CCDC30: variants seen among roughly 807,000 people sequenced by gnomAD.
CCDC30 encodes coiled-coil domain containing 30, also known as coiled-coil domain-containing protein 30.
CCDC30 carries 70 observed loss-of-function variants against 100.2 expected under a neutral mutation model. The observed-to-expected ratio is 0.70, with a 90% CI of 0.58 to 0.85. CCDC30 has a LOEUF of 0.85. CCDC30 is among the 40% of genes least tolerant of loss of function. CCDC30 has a pLI of 0.00. For synonymous variants in CCDC30, 233 were observed against 269.5 expected (o/e 0.86, Z 1.33); for missense variants, 652 against 771.2 (o/e 0.85, Z 1.83).
chr1:42,483,518 C>G (rs1177579613), intron 3 of CCDC30, among the ~76,000 whole-genome samples: 4 of 152,142 alleles, frequency 2.6e-5, no homozygotes, highest in Non-Finnish European at 5.9e-5. Context: ...GTTTTCAATA[C>G]TTGGTACTGT....
intron 6 of CCDC30, 129 bp from the exon 10 acceptor site, chr1:42,556,027 G>T (rs4598532): frequency 0.21 from 180,729 of 869,734 alleles, 21,542 homozygotes; most frequent in South Asian, 0.42. Flanking sequence ...AGAATAAGAT[G>T]ACTGTTGTGC....
chr1:42,641,969 T>A (rs1386978545), intron 12 of CCDC30, among the ~76,000 whole-genome samples: 1 of 152,158 alleles, frequency 6.6e-6, no homozygotes, highest in African/African-American at 2.4e-5. Flanking sequence ...CTCACGCCTG[T>A]AATCCCAGCA....
intron 6 of CCDC30, chr1:42,545,428 GA>G: frequency 6.3e-7 from 1 of 1,575,014 alleles, no homozygotes; most frequent in Non-Finnish European, 8.6e-7. Context: ...GCTTTCACAA[GA>G]ATTTGCACAA....
chr1:42,613,736 CG>C (rs1189423298), intron 11 of CCDC30, among the ~76,000 whole-genome samples: 6 of 152,254 alleles, frequency 3.9e-5, no homozygotes, highest in Non-Finnish European at 8.8e-5. Context: ...GGAGTGAGGA[CG>C]ACCAGAGGTC....
At chr1:42,456,853 C>T in the CCDC30 span, 151 of 1,613,536 alleles carry the variant, frequency 9.4e-5, no homozygotes, top group African/African-American at 1.8e-3. Flanking sequence ...CCCACCGCTT[C>T]CCACCCCAGA....
intron 15 of CCDC30, among the ~76,000 whole-genome samples, chr1:42,652,221 A>G (rs1317045313): frequency 6.6e-6 from 1 of 152,188 alleles, no homozygotes; most frequent in Non-Finnish European, 1.5e-5. Context: ...TGGCACAGAA[A>G]AACAAATACC....
chr1:42,591,428 A>G (rs1046118954), intron 10 of CCDC30: 1 of 152,510 alleles, frequency 6.6e-6, no homozygotes, highest in African/African-American at 2.4e-5. Flanking sequence ...CCCCAGATAC[A>G]GCTCAGGCTG....
At chr1:42,531,506 A>G (rs753081420) in intron 6 of CCDC30, among the ~76,000 whole-genome samples, 2 of 152,148 alleles carry the variant, frequency 1.3e-5, no homozygotes, top group African/African-American at 4.8e-5. Flanking sequence ...CACACCTGTA[A>G]TCCTAGCATT....
chr1:42,485,937 G>A (rs538318949), intron 3 of CCDC30, among the ~76,000 whole-genome samples: 7 of 152,204 alleles, frequency 4.6e-5, no homozygotes, highest in Non-Finnish European at 1.0e-4. Context: ...CACAATGAGC[G>A]TCTACTTCAT....
chr1:42,464,942 G>A (rs1290651543), intron 1 of CCDC30, among the ~76,000 whole-genome samples: 1 of 152,016 alleles, frequency 6.6e-6, no homozygotes, highest in Admixed American at 6.6e-5. Flanking sequence ...AGAATAGATC[G>A]GAAAACAAAA....
chr1:42,618,195 C>CTA (rs1646761116), intron 11 of CCDC30, among the ~76,000 whole-genome samples: 1 of 149,608 alleles, frequency 6.7e-6, no homozygotes, highest in African/African-American at 2.5e-5. Flanking sequence ...ATCTCTGAAG[C>CTA]TATAGACTGG....
At chr1:42,540,157 A>G (rs1644983871) in intron 6 of CCDC30, among the ~76,000 whole-genome samples, 1 of 152,204 alleles carries the variant, frequency 6.6e-6, no homozygotes, top group East Asian at 1.9e-4. Context: ...CACCATATGT[A>G]AGGTGAGTAA....
chr1:42,473,163 A>C lies in CCDC30; in HGVS notation c.-91-7298A>C, dbSNP rs1350753652. On this transcript the variant is annotated intron_variant, in intron 1 of 16. Transcript: ENST00000668663. ...AAGACATACTTCACCATCTTGAAAA[A>C]GAAGAAATCAATCCCCTTGCTACTA... 6.5e-6 allele frequency: 8 copies of C among 1,230,586 alleles called. No homozygotes were observed. The African/African-American group carries it at 1.2e-4, about 19-fold the overall frequency. The allele number at this position is 1,230,586 out of a possible 1,614,324, so 76.2% of individuals were successfully genotyped here. A position where few individuals can be genotyped will look rare whatever the true frequency, so the allele number is the denominator to read the frequency against.
chr1:42,541,809 T>C (rs1270556266), intron 6 of CCDC30, among the ~76,000 whole-genome samples: 3 of 152,246 alleles, frequency 2.0e-5, no homozygotes, highest in African/African-American at 7.2e-5. Flanking sequence ...ATAGTCTTGC[T>C]AAAGAAGCTG....
chr1:42,547,169 G>T (rs1308384745), intron 6 of CCDC30, among the ~76,000 whole-genome samples: 3 of 152,258 alleles, frequency 2.0e-5, no homozygotes, highest in Middle Eastern at 3.4e-3. Flanking sequence ...TGGGGAAGGG[G>T]TATGATAATG....
intron 6 of CCDC30, 184 bp downstream of exon 7, chr1:42,536,785 A>C (rs1217825691): frequency 3.8e-6 from 2 of 527,004 alleles, no homozygotes; most frequent in South Asian, 5.3e-5. Context: ...GGGGAAGTCC[A>C]AGATCAAGGT....
chr1:42,571,460 T>C (rs1202050689), intron 7 of CCDC30: 2 of 150,254 alleles, frequency 1.3e-5, no homozygotes, highest in Admixed American at 1.3e-4. Flanking sequence ...TCAAAAGTTA[T>C]ACCAACCCTC....
At chr1:42,509,421 C>T (rs113290646) in intron 6 of CCDC30, among the ~76,000 whole-genome samples, 3,163 of 152,224 alleles carry the variant, frequency 0.021, 123 homozygotes, top group African/African-American at 0.072. Context: ...TTGCAAACCC[C>T]GCCCTTGATA....
intron 8 of CCDC30, among the ~76,000 whole-genome samples, chr1:42,579,468 T>C (rs993332967): frequency 1.3e-5 from 2 of 151,092 alleles, no homozygotes; most frequent in African/African-American, 4.9e-5. Flanking sequence ...ACCCCATCTC[T>C]ACTAATAATA....
Sources: gnomAD v4.1 joint callset for allele counts (sites outside exome capture counted in the v4.1 genomes callset) on GRCh38, gnomAD v4.1.1 for gene constraint, MANE v1.5 for transcripts, NCBI Gene and HGNC (gene_info 2026-07-23, HGNC 2026-07-21) for gene names.